Variants in PRR36 observed in about 807,000 individuals in gnomAD.
PRR36 encodes the protein proline rich 36, also known as proline-rich protein 36.
PRR36 carries 30 observed loss-of-function variants against 58.6 expected under a neutral mutation model. That is an observed-to-expected ratio of 0.51 (90% CI 0.38 to 0.69). The LOEUF (loss-of-function observed/expected upper bound fraction) is 0.69. PRR36 is among the 30% of genes least tolerant of loss of function. The probability of loss-of-function intolerance (pLI) is 0.00; values close to 1 mark genes in which losing one functional copy is unlikely to be tolerated. For synonymous variants in PRR36, 771 were observed against 829.3 expected (o/e 0.93, Z 1.21); for missense variants, 1,692 against 1,805.6 (o/e 0.94, Z 1.14).
In PRR36 at chr19:7,869,037, T is replaced by C; in HGVS notation, c.4037A>G (p.His1346Arg). Residue 1346 changes from histidine to arginine, a missense_variant, in exon 6 of 6, where the codon CAC becomes CGC. Coordinates refer to ENST00000618550, the MANE Select transcript of PRR36 (RefSeq NM_001190467.2). ...CAGGCGGGGCTGTGGTCTGGCTCAGTGGAAGGTCTCCACCTCCACCACGGT... is the reference window on the plus strand; with the variant it reads ...CAGGCGGGGCTGTGGTCTGGCTCAGCGGAAGGTCTCCACCTCCACCACGGT... ...DWTVVEVETF[H>R] 4.0e-6 allele frequency: 6 copies of C among 1,516,684 alleles called. No homozygotes were observed. Among genetic ancestry groups the C allele is most frequent in the Non-Finnish European group, 5.3e-6 (6 of 1,137,192 alleles). 94.0% of individuals were successfully genotyped at this position (1,516,684 alleles called of 1,614,324 possible).
chr19:7,869,795 G>C lies in PRR36; in HGVS notation c.3449C>G (p.Pro1150Arg), dbSNP rs910921294. ...PEGGAAASPP[P>R]DAELAACHPA... is the part of the protein sequence containing the mutation. The stretch of plus-strand genomic sequence containing the variant: ...GTGGCAAGCGGCGAGCTCTGCGTCG[G>C]GGGGCGGGGAGGCTGCGGCACCGCC... Residue 1150 changes from proline (P) to arginine (R), a missense_variant, in exon 5 of 6, where the codon CCC becomes CGC. Coordinates refer to ENST00000618550, the MANE Select transcript of PRR36 (RefSeq NM_001190467.2). 12 of 1,355,722 alleles carry C rather than the reference G, an allele frequency of 8.9e-6. No homozygotes were observed. Among genetic ancestry groups the C allele is most frequent in the East Asian group, 3.1e-5 (1 of 32,272 alleles). 84.0% of individuals were successfully genotyped at this position (1,355,722 alleles called of 1,614,324 possible).
Position 7,872,035 on chromosome 19 carries a change from A to G in PRR36, c.1209T>C (p.Ile403=). The change falls in exon 5 of 6, where the codon ATT becomes ATC. Residue 403 remains isoleucine, a synonymous_variant. Transcript: ENST00000618550. The surrounding 1 kb of genome is among the most constrained non-coding windows in gnomAD (Gnocchi z 6.1). ...AGACGCCTGCTTCTGGAAAGGACAT[A>G]ATCAGCTGTGTGGGTGGAACTTGCG... ...PPSQVPPTQL[I]MSFPEAGVSS... 1 of 1,534,674 alleles carries G rather than the reference A, an allele frequency of 6.5e-7. No homozygotes were observed. Among genetic ancestry groups the G allele is most frequent in the Non-Finnish European group, 8.7e-7 (1 of 1,146,568 alleles).
chr19:7,872,780 G>A lies in PRR36; in HGVS notation c.488-24C>T. ...GTCTGGAGAAAAAGTAGAAGGCCAA[G>A]GGTCACCGATACCTCTGAGGCGGCT... is the stretch of plus-strand genomic sequence containing the variant. On this transcript the variant is annotated intron_variant, in intron 4 of 5. Transcript: ENST00000618550. The surrounding 1 kb of genome is among the most constrained non-coding windows in gnomAD (Gnocchi z 6.1). 1 of 1,507,438 alleles carries A rather than the reference G, an allele frequency of 6.6e-7. No homozygotes were observed. Among genetic ancestry groups the A allele is most frequent in the Non-Finnish European group, 8.8e-7 (1 of 1,132,778 alleles). The allele number at this position is 1,507,438 out of a possible 1,614,324, so 93.4% of individuals were successfully genotyped here.
rs1434813375 is a variant in PRR36 at position 7,870,725 on chromosome 19, G to A, written c.2519C>T (p.Pro840Leu). 1 of 1,391,920 alleles carries A rather than the reference G, an allele frequency of 7.2e-7. No homozygotes were observed. The highest frequency in any genetic ancestry group is 1.6e-5 in the South Asian group (1 of 64,078). The allele number at this position is 1,391,920 out of a possible 1,614,324, so 86.2% of individuals were successfully genotyped here. ...SPPLSPLATP[P>L]PQAPPALALP... ...GGCCAGGGCAGGTGGGGCCTGTGGA[G>A]GGGGCGTGGCCAAAGGAGACAGAGG... The change falls in exon 5 of 6, where the codon CCT becomes CTT. Residue 840 changes from proline to leucine, a missense_variant. Pro to Leu is a moderately conservative substitution (Grantham distance 98, BLOSUM62 -3). Around this residue, in one of 5 missense-constraint regions of PRR36, gnomAD observed 171 missense variants for 146.2 expected, o/e 1.17. Coordinates refer to ENST00000618550, the MANE Select transcript of PRR36 (RefSeq NM_001190467.2).
At position 7,872,459 on chromosome 19, in the gene PRR36, G is replaced by A; in HGVS notation, c.785C>T (p.Thr262Ile). 3 of 1,461,284 alleles carry A rather than the reference G, an allele frequency of 2.1e-6. No homozygotes were observed. Among genetic ancestry groups the A allele is most frequent in the South Asian group, 2.8e-5 (2 of 71,554 alleles). The allele number at this position is 1,461,284 out of a possible 1,614,324, so 90.5% of individuals were successfully genotyped here. A position where few individuals can be genotyped will look rare whatever the true frequency, so the allele number is the denominator to read the frequency against. ...PARSGPSARG[T>I]PRAPAHPSQP... The stretch of plus-strand genomic sequence containing the variant: ...CGAGGGATGCGCAGGAGCCCTGGGT[G>A]TTCCGCGGGCTGAGGGCCCAGAACG... The change falls in exon 5 of 6, where the codon ACA becomes ATA. Residue 262 changes from threonine (T) to isoleucine (I), a missense_variant. This residue lies in a region of PRR36 where 975 missense variants were observed against 955.2 expected (regional missense o/e 1.02). Coordinates refer to ENST00000618550, the MANE Select transcript of PRR36 (RefSeq NM_001190467.2). This position sits in a 1 kb window ranked among gnomAD's most constrained non-coding sequence, Gnocchi z 6.1.
chr19:7,873,423 G>C lies in PRR36; in HGVS notation c.267C>G (p.Asn89Lys). Residue 89 changes from asparagine to lysine, a missense_variant, in exon 2 of 6, where the codon AAC (asparagine) becomes AAG (lysine). Asn to Lys is a moderately conservative substitution (Grantham distance 94). Around this residue, in one of 5 missense-constraint regions of PRR36, gnomAD observed 975 missense variants for 955.2 expected, o/e 1.02. Coordinates refer to ENST00000618550, the MANE Select transcript of PRR36 (RefSeq NM_001190467.2). This position sits in a 1 kb window ranked among gnomAD's most constrained non-coding sequence, Gnocchi z 5.0. ...TGAGGAAGGAGGCTGGGGTACCAGG[G>C]TTTCGGGAACTTGTCCCAGCACTCC... ...PTRSAGTSSR[N>K]PASRPPASGR... The C allele has an allele frequency of 6.5e-7, 1 of 1,530,496 alleles. No homozygotes were observed. Among genetic ancestry groups the C allele is most frequent in the South Asian group, 1.2e-5 (1 of 83,536 alleles). The allele number at this position is 1,530,496 out of a possible 1,614,324, so 94.8% of individuals were successfully genotyped here.
chr19:7,871,797 C>T lies in PRR36; in HGVS notation c.1447G>A (p.Ala483Thr). 6.5e-7 allele frequency: 1 copy of T among 1,534,358 alleles called. No individual in the cohort carries two copies. Among genetic ancestry groups the T allele is most frequent in the Non-Finnish European group, 8.7e-7 (1 of 1,146,448 alleles). Residue 483 changes from alanine (A) to threonine (T), a missense_variant, in exon 5 of 6, where the codon GCA becomes ACA. Ala to Thr is a moderately conservative substitution (Grantham distance 58). Around this residue, in one of 5 missense-constraint regions of PRR36, gnomAD observed 975 missense variants for 955.2 expected, o/e 1.02. Transcript: ENST00000618550. ...GCAGAAAGGCCTGGCTGAGGGAGTG[C>T]GGCCAGGGGAAAAGCCGAATTCCCC... ...SLGNSAFPLA[A>T]LPQPGLSALT...
chr19:7,873,561 GGCT>G lies in PRR36; in HGVS notation c.126_128del (p.Ala43del). The G allele has an allele frequency of 6.5e-7, 1 of 1,534,976 alleles. No homozygotes were observed. Among genetic ancestry groups the G allele is most frequent in the Non-Finnish European group, 8.7e-7 (1 of 1,146,658 alleles). On this transcript the variant is annotated inframe_deletion, in exon 2 of 6. Transcript: ENST00000618550. The surrounding 1 kb of genome is among the most constrained non-coding windows in gnomAD (Gnocchi z 5.0). ...CTCCCGCAGCTCCCAGAACTCGGAG[GGCT>G]GCGGGAGTTACTGGGGGAGGGGGTC...
chr19:7,869,782 G>C lies in PRR36; in HGVS notation c.3462C>G (p.Leu1154=), dbSNP rs1980290536. 4 of 1,359,874 alleles carry C rather than the reference G, an allele frequency of 2.9e-6. No individual in the cohort carries two copies. The highest frequency in any genetic ancestry group is 3.8e-6 in the Non-Finnish European group (4 of 1,063,000). The allele number at this position is 1,359,874 out of a possible 1,614,324, so 84.2% of individuals were successfully genotyped here. A position where few individuals can be genotyped will look rare whatever the true frequency, so the allele number is the denominator to read the frequency against. Residue 1154 remains leucine, a synonymous_variant, in exon 5 of 6, where the codon CTC becomes CTG. Coordinates refer to ENST00000618550, the MANE Select transcript of PRR36 (RefSeq NM_001190467.2). ...TCCAGGCAGCCGGGTGGCAAGCGGC[G>C]AGCTCTGCGTCGGGGGGCGGGGAGG... ...AAASPPPDAE[L]AACHPAAWSR...
chr19:7,872,388 T>G lies in PRR36; in HGVS notation c.856A>C (p.Thr286Pro). 6.9e-7 allele frequency: 1 copy of G among 1,448,474 alleles called. No homozygotes were observed. The highest frequency in any genetic ancestry group is 9.0e-7 in the Non-Finnish European group (1 of 1,106,196). 89.7% of individuals were successfully genotyped at this position (1,448,474 alleles called of 1,614,324 possible). A position where few individuals can be genotyped will look rare whatever the true frequency, so the allele number is the denominator to read the frequency against. ...GLQALRPPQV[T>P]PPRKDAAPAL... ...GGGGCTGCGTCCTTCCTTGGGGGTG[T>G]GACCTGAGGGGGTCGCAGAGCCTGC... Residue 286 changes from threonine to proline, a missense_variant, in exon 5 of 6, where the codon ACA (threonine) becomes CCA (proline). This residue lies in a region of PRR36 where 975 missense variants were observed against 955.2 expected (regional missense o/e 1.02). Coordinates refer to ENST00000618550, the MANE Select transcript of PRR36 (RefSeq NM_001190467.2). The surrounding 1 kb of genome is among the most constrained non-coding windows in gnomAD (Gnocchi z 6.1).
chr19:7,868,721 C>T lies in PRR36; in HGVS notation c.*312G>A. 1 of 298,980 alleles carries T rather than the reference C, an allele frequency of 3.3e-6. No individual in the cohort carries two copies. The allele number at this position is 298,980 out of a possible 1,614,324, so 18.5% of individuals were successfully genotyped here. A position where few individuals can be genotyped will look rare whatever the true frequency, so the allele number is the denominator to read the frequency against. ...TCCTCTCTGTGACAGCGAAGGTGTG[C>T]AAGTCCCAGTGTCCCAGTTTTATTG... On this transcript the variant is annotated 3_prime_UTR_variant, in exon 6 of 6. Transcript: ENST00000618550.
Position 7,871,856 on chromosome 19 carries a change from G to C in PRR36, c.1388C>G (p.Pro463Arg). 5 of 1,535,998 alleles carry C rather than the reference G, an allele frequency of 3.3e-6. No individual in the cohort carries two copies. The highest frequency in any genetic ancestry group is 4.4e-6 in the Non-Finnish European group (5 of 1,146,864). ...LATPPLSAMSPLQGPVSPATS... is the reference protein window; with the variant it reads ...LATPPLSAMSRLQGPVSPATS... ...TGCCGGAGAAACAGGGCCTTGTAGA[G>C]GAGACATGGCTGACAGAGGAGGTGT... The change falls in exon 5 of 6, where the codon CCT (proline) becomes CGT (arginine). Residue 463 changes from proline to arginine, a missense_variant. Physicochemically the swap from Pro to Arg is moderately radical, Grantham distance 103. Transcript: ENST00000618550.
In PRR36 at chr19:7,870,165, C is replaced by T; in HGVS notation, c.3079G>A (p.Ala1027Thr). Residue 1027 changes from alanine (A) to threonine (T), a missense_variant, in exon 5 of 6, where the codon GCC (alanine) becomes ACC (threonine). Around this residue, in one of 5 missense-constraint regions of PRR36, gnomAD observed 485 missense variants for 549.2 expected, o/e 0.88. Transcript: ENST00000618550. ...AAAGGGGCCTGCCCAGGGAATGAGG[C>T]AGGCGGAGAGGGAAGGGCCTGCAGA... ...PPLQALPSPP[A>T]SFPGQAPFSP... 7.1e-7 allele frequency: 1 copy of T among 1,414,184 alleles called. No individual in the cohort carries two copies. 87.6% of individuals were successfully genotyped at this position (1,414,184 alleles called of 1,614,324 possible). A position where few individuals can be genotyped will look rare whatever the true frequency, so the allele number is the denominator to read the frequency against.
chr19:7,871,568 A>C lies in PRR36; in HGVS notation c.1676T>G (p.Leu559Arg). 6.5e-7 allele frequency: 1 copy of C among 1,535,552 alleles called. No individual in the cohort carries two copies. The highest frequency in any genetic ancestry group is 8.7e-7 in the Non-Finnish European group (1 of 1,146,786). Reference sequence around the variant, plus strand: ...GGCCTGTGGGTGGGGCGGAGCCTGCAGAGGCGGTGAGGCCAAAAGAGAGGG... The same window carrying C: ...GGCCTGTGGGTGGGGCGGAGCCTGCCGAGGCGGTGAGGCCAAAAGAGAGGG... The part of the protein sequence containing the change: ...VSPSLLASPP[L>R]QAPPHPQAPP... The change falls in exon 5 of 6, where the codon CTG becomes CGG. Residue 559 changes from leucine to arginine, a missense_variant. Physicochemically the swap from Leu to Arg is moderately radical, Grantham distance 102 (BLOSUM62 -2). Transcript: ENST00000618550.
intron 5 of PRR36, 69 bp from the exon 6 acceptor site, chr19:7,869,613 C>T: frequency 6.8e-7 from 1 of 1,477,684 alleles, no homozygotes; most frequent in Non-Finnish European, 8.9e-7. Context: ...GTCCCGCCTC[C>T]TTGTCTAAGC....
chr19:7,870,587 G>A lies in PRR36; in HGVS notation c.2657C>T (p.Pro886Leu). The change falls in exon 5 of 6, where the codon CCT (proline) becomes CTT (leucine). Residue 886 changes from proline (P) to leucine (L), a missense_variant. Pro to Leu is a moderately conservative substitution (Grantham distance 98). Transcript: ENST00000618550. ...TGGGGGTGAGGGAGGGGGAGAGAAA[G>A]GGGCCTGCAGAAGGTGCACTGCCAG... ...NALAVHLLQA[P>L]FSPPPSPPVQ... 15 of 1,297,678 alleles carry A rather than the reference G, an allele frequency of 1.2e-5. No individual in the cohort carries two copies. The highest frequency in any genetic ancestry group is 1.5e-5 in the Non-Finnish European group (15 of 1,024,712). 80.4% of individuals were successfully genotyped at this position (1,297,678 alleles called of 1,614,324 possible).
chr19:7,869,538 G>A lies in PRR36; in HGVS notation c.3536C>T (p.Pro1179Leu). Residue 1179 changes from proline (P) to leucine (L), a missense_variant, in exon 6 of 6, where the codon CCC (proline) becomes CTC (leucine). By Grantham distance (98) the Pro-to-Leu change is moderately conservative. This residue lies in a region of PRR36 where 485 missense variants were observed against 549.2 expected (regional missense o/e 0.88). Transcript: ENST00000618550. ...PLAFRGAPGA[P>L]LPWPPATGPG... ...TCCGGTAGCGGGAGGCCACGGCAGG[G>A]GCGCACCTGCGGGGAGAGACGCCAG... 1 of 1,517,716 alleles carries A rather than the reference G, an allele frequency of 6.6e-7. No individual in the cohort carries two copies. The highest frequency in any genetic ancestry group is 1.4e-5 in the African/African-American group (1 of 70,200). 94.0% of individuals were successfully genotyped at this position (1,517,716 alleles called of 1,614,324 possible).
rs933631662 is a variant in PRR36, at chr19:7,869,130, G to A, written c.3944C>T (p.Ser1315Phe). The A allele has an allele frequency of 1.3e-5, 20 of 1,535,404 alleles. No individual in the cohort carries two copies. The African/African-American group carries it at 2.6e-4, about 20-fold the overall frequency. ...WAELLSPLDE[S>F]RASITSVTSF... ...GGTGACCGAGGTGATGCTGGCACGG[G>A]ACTCGTCCAGGGGAGACAGTAGTTC... The change falls in exon 6 of 6, where the codon TCC becomes TTC. Residue 1315 changes from serine (S) to phenylalanine (F), a missense_variant. Coordinates refer to ENST00000618550, the MANE Select transcript of PRR36 (RefSeq NM_001190467.2).
chr19:7,869,933 G>A lies in PRR36; in HGVS notation c.3311C>T (p.Pro1104Leu). 1.3e-5 allele frequency: 18 copies of A among 1,367,494 alleles called. No homozygotes were observed. The highest frequency in any genetic ancestry group is 1.7e-5 in the Non-Finnish European group (18 of 1,067,694). The allele number at this position is 1,367,494 out of a possible 1,614,324, so 84.7% of individuals were successfully genotyped here. Reference protein sequence around the residue: ...LTLALAPGPPPPPSRSPSSTL... With the variant: ...LTLALAPGPPLPPSRSPSSTL... ...GCTGGACGGGCTGCGCGAGGGCGGC[G>A]GCGGCGGGCCGGGGGCCAACGCCAG... is the stretch of plus-strand genomic sequence containing the variant. The change falls in exon 5 of 6, where the codon CCG (proline) becomes CTG (leucine). Residue 1104 changes from proline to leucine, a missense_variant. This residue lies in a region of PRR36 where 485 missense variants were observed against 549.2 expected (regional missense o/e 0.88). Coordinates refer to ENST00000618550, the MANE Select transcript of PRR36 (RefSeq NM_001190467.2).
Sources: gnomAD v4.1 joint callset for allele counts on GRCh38, gnomAD v4.1.1 for gene constraint, gnomAD v4.1.1 regional missense constraint, Gnocchi (gnomAD v3.1) non-coding constraint, MANE v1.5 for transcripts, NCBI Gene and HGNC (gene_info 2026-07-23, HGNC 2026-07-21) for gene names.